Variants in MARK4 observed in about 807,000 individuals in gnomAD.
The protein encoded by MARK4 is microtubule affinity regulating kinase 4, also known as MAP/microtubule affinity-regulating kinase 4.
In MARK4, 19 loss-of-function variants were observed where a neutral mutation model predicts 81.5. The observed-to-expected ratio is 0.23, with a 90% confidence interval of 0.16 to 0.34. The LOEUF is 0.34. Ranked by LOEUF, MARK4 falls within the 10% of genes least tolerant of loss-of-function variation. The pLI, the probability that MARK4 is intolerant of heterozygous loss-of-function variation, is 1.00. For synonymous variants in MARK4, 436 were observed against 439.0 expected (o/e 0.99, Z 0.08); for missense variants, 772 against 1,058.8 (o/e 0.73, Z 3.76).
At chr19:45,298,203 G>A (rs145437896) in intron 15 of MARK4, 1 of 1,614,016 alleles carries the variant, frequency 6.2e-7, no homozygotes, top group South Asian at 1.1e-5. Flanking sequence ...GCGCCTCTCT[G>A]CCCCAGGGAT....
Position 45,251,409 on chromosome 19 carries a change from C to T in MARK4, c.-180C>T. ...CCCGCTGCACGGGGCCACTAGGACC[C>T]TCGGCGTCCCTTCCCCTCCCCCGCC... On this transcript the variant is annotated 5_prime_UTR_variant, in exon 1 of 17. Coordinates refer to ENST00000262891, the MANE Select transcript of MARK4 (RefSeq NM_001199867.2). 1 of 439,790 alleles carries T rather than the reference C, an allele frequency of 2.3e-6. No homozygotes were observed. The highest frequency in any genetic ancestry group is 3.4e-5 in the South Asian group (1 of 29,382). The allele number at this position is 439,790 out of a possible 1,614,324, so 27.2% of individuals were successfully genotyped here.
At chr19:45,278,157 C>T (rs1461610357) in intron 9 of MARK4, 115 bp downstream of exon 9, 44 of 1,436,192 alleles carry the variant, frequency 3.1e-5, no homozygotes, top group East Asian at 1.2e-4. Flanking sequence ...CTGTGCCCAC[C>T]GAAGATCTGC....
chr19:45,294,732 C>T (rs370745924), intron 14 of MARK4, among the ~76,000 whole-genome samples: 14 of 152,256 alleles, frequency 9.2e-5, no homozygotes, highest in South Asian at 4.1e-4. Context: ...TTTTAGAACT[C>T]GAGAGAAGCC....
At chr19:45,261,949 T>G (rs1026432200) in intron 2 of MARK4, among the ~76,000 whole-genome samples, 1 of 151,942 alleles carries the variant, frequency 6.6e-6, no homozygotes, top group African/African-American at 2.4e-5. Context: ...AAAAAAAAGT[T>G]TCACTGCAAA....
At chr19:45,257,221 G>T (rs1179370929) in intron 1 of MARK4, among the ~76,000 whole-genome samples, 1 of 151,884 alleles carries the variant, frequency 6.6e-6, no homozygotes, top group Admixed American at 6.6e-5. Flanking sequence ...CCTTGTCAAT[G>T]ATTTTGTTTT....
chr19:45,288,294 T>G (rs1401928896), intron 13 of MARK4: 1 of 152,394 alleles, frequency 6.6e-6, no homozygotes, highest in Non-Finnish European at 1.5e-5. Context: ...GGCTTACGCT[T>G]GTAATCCCAG....
Position 45,266,173 on chromosome 19 carries a change from A to G in MARK4, c.493-52A>G, listed in dbSNP as rs566787806. 1.8e-5 allele frequency: 29 copies of G among 1,582,496 alleles called. No individual in the cohort carries two copies. In the East Asian group the frequency reaches 3.1e-4, roughly 17 times the overall value. ...GAGTGGTTTCACAGTCCACTGAGGG[A>G]GGCTGAGGGTTTTGGGAGCCACAAA... is the stretch of plus-strand genomic sequence containing the variant. On this transcript the variant is annotated intron_variant, in intron 6 of 16. Coordinates refer to ENST00000262891, the MANE Select transcript of MARK4 (RefSeq NM_001199867.2).
intron 2 of MARK4, among the ~76,000 whole-genome samples, 193 bp downstream of exon 2, chr19:45,259,382 A>G (rs1286588834): frequency 6.6e-6 from 1 of 152,272 alleles, no homozygotes; most frequent in East Asian, 1.9e-4. Context: ...AACTAATTTC[A>G]TGTATCCCTG....
intron 14 of MARK4, among the ~76,000 whole-genome samples, chr19:45,297,258 C>T (rs1179142105): frequency 6.6e-6 from 1 of 152,114 alleles, no homozygotes; most frequent in East Asian, 1.9e-4. Flanking sequence ...TATCCTTGAC[C>T]TTTACATCTA....
intron 7 of MARK4, among the ~76,000 whole-genome samples, chr19:45,268,943 C>T (rs1233991739): frequency 6.6e-6 from 1 of 152,122 alleles, no homozygotes; most frequent in Non-Finnish European, 1.5e-5. Flanking sequence ...ACCTGGAGGT[C>T]GTATGTCCCC....
intron 7 of MARK4, among the ~76,000 whole-genome samples, chr19:45,266,818 C>T (rs1345114549): frequency 2.6e-5 from 4 of 151,384 alleles, no homozygotes; most frequent in African/African-American, 4.9e-5. Flanking sequence ...CTGCAAGCTC[C>T]GCCTCCTGGG....
Position 45,257,825 on chromosome 19 carries a change from G to A in MARK4, c.52-1164G>A, listed in dbSNP as rs575149614. Among the ~76,000 whole-genome samples, 13 of 151,968 alleles carry A rather than the reference G, an allele frequency of 8.6e-5. No individual in the cohort carries two copies. In the South Asian group the frequency reaches 2.5e-3, roughly 29 times the overall value. ...CTGCCTCAGCCTCCCAAGTAGCTGGGACTACAGGCGCATACTGCCACGCCT... is the reference window on the plus strand; with the variant it reads ...CTGCCTCAGCCTCCCAAGTAGCTGGAACTACAGGCGCATACTGCCACGCCT... On this transcript the variant is annotated intron_variant, in intron 1 of 16. Transcript: ENST00000262891.
chr19:45,265,994 C>T (rs1970448430), intron 6 of MARK4, among the ~76,000 whole-genome samples: 1 of 151,922 alleles, frequency 6.6e-6, no homozygotes, highest in African/African-American at 2.4e-5. Context: ...GAGGCTGGTC[C>T]CCATGCCTTG....
intron 13 of MARK4, 110 bp from the exon 14 acceptor site, chr19:45,294,239 A>G: frequency 1.0e-6 from 1 of 998,680 alleles, no homozygotes; most frequent in South Asian, 1.4e-5. Flanking sequence ...CTGGGTTCCC[A>G]CATGAGCCCC....
intron 12 of MARK4, among the ~76,000 whole-genome samples, chr19:45,285,611 C>A (rs1450555964): frequency 6.7e-6 from 1 of 150,180 alleles, no homozygotes; most frequent in Non-Finnish European, 1.5e-5. Context: ...AGGGCGTGCC[C>A]AGAAAGTTCC....
In MARK4 at chr19:45,282,206, G is replaced by A. The variant is rs1970684639; in HGVS notation, c.1276+1472G>A. On this transcript the variant is annotated intron_variant, in intron 12 of 16. Coordinates refer to ENST00000262891, the MANE Select transcript of MARK4 (RefSeq NM_001199867.2). The stretch of plus-strand genomic sequence containing the variant: ...CCATTGCACACCAGCCTGGGCAACA[G>A]AGAGACCTCATCTCAAAAAAATTAA... Among the ~76,000 whole-genome samples, 4 of 146,828 alleles carry A rather than the reference G, an allele frequency of 2.7e-5. No individual in the cohort carries two copies. The South Asian group carries it at 8.6e-4, about 32-fold the overall frequency.
chr19:45,251,466 G>T lies in MARK4; in HGVS notation c.-123G>T. The T allele has an allele frequency of 1.8e-6, 1 of 551,852 alleles. No individual in the cohort carries two copies. The highest frequency in any genetic ancestry group is 3.0e-6 in the Non-Finnish European group (1 of 328,206). 34.2% of individuals were successfully genotyped at this position (551,852 alleles called of 1,614,324 possible). A position where few individuals can be genotyped will look rare whatever the true frequency, so the allele number is the denominator to read the frequency against. ...CCTCTCCCGCCGCGCGGACCCGGGC[G>T]TTCTCGGCGCCCAGCTTTTGAGCTC... On this transcript the variant is annotated 5_prime_UTR_variant, in exon 1 of 17. Coordinates refer to ENST00000262891, the MANE Select transcript of MARK4 (RefSeq NM_001199867.2).
chr19:45,294,547 T>C, intron 14 of MARK4, 95 bp downstream of exon 14: 2 of 1,081,922 alleles, frequency 1.8e-6, no homozygotes, highest in Non-Finnish European at 2.8e-6. Context: ...TGGAGGCTGG[T>C]GCCATGGGGA....
At chr19:45,288,949 C>T (rs1197069558) in intron 13 of MARK4, among the ~76,000 whole-genome samples, 1 of 151,986 alleles carries the variant, frequency 6.6e-6, no homozygotes, top group African/African-American at 2.4e-5. Flanking sequence ...CTCTTCTGCT[C>T]TGCACATGTT....
Sources: allele counts gnomAD v4.1 joint callset (sites outside exome capture counted in the v4.1 genomes callset), GRCh38; gene constraint gnomAD v4.1.1; transcripts MANE v1.5; gene names NCBI Gene and HGNC (gene_info 2026-07-23, HGNC 2026-07-21).